Variants in NR2C1 observed in about 807,000 individuals in gnomAD.
The protein encoded by NR2C1 is nuclear receptor subfamily 2 group C member 1.
A neutral mutation model predicts 74.8 loss-of-function variants in NR2C1; 33 were observed. The ratio of observed to expected loss-of-function variants is 0.44; its 90% CI spans 0.33 to 0.59. The LOEUF (loss-of-function observed/expected upper bound fraction) is 0.59. Ranked by LOEUF, NR2C1 falls within the 20% of genes least tolerant of loss-of-function variation. NR2C1 has a pLI of 0.02. For synonymous variants in NR2C1, 225 were observed against 240.6 expected, an observed-to-expected ratio of 0.94 and a Z score of 0.60; for missense variants, 568 against 715.6, an observed-to-expected ratio of 0.79 and a Z score of 2.35.
At chr12:95,064,045 A>C (rs1380443674) in intron 2 of NR2C1, among the ~76,000 whole-genome samples, 1 of 141,570 alleles carries the variant, frequency 7.1e-6, no homozygotes, top group Non-Finnish European at 1.5e-5. Context: ...AAAAAAAAAA[A>C]GGGGATGGAC....
At chr12:95,071,979 T>G (rs546445206) in intron 1 of NR2C1, among the ~76,000 whole-genome samples, 6 of 151,516 alleles carry the variant, frequency 4.0e-5, no homozygotes, top group African/African-American at 1.2e-4. Flanking sequence ...AACTCCCGAC[T>G]TCAGATGATC....
chr12:95,053,146 T>A (rs1297559515), intron 7 of NR2C1, among the ~76,000 whole-genome samples: 1 of 151,994 alleles, frequency 6.6e-6, no homozygotes, highest in African/African-American at 2.4e-5. Context: ...GCTAATTTTT[T>A]AATTTTTTGT....
rs186011588 is a variant in NR2C1, at chr12:95,059,287, G to A, written c.364+619C>T. On this transcript the variant is annotated intron_variant, in intron 4 of 13. Transcript: ENST00000333003. ...ACTGCACTACAGTCAGGGTGACAGC[G>A]CAAGACTCCATCTCAAAAAAAAAAA... Among the ~76,000 whole-genome samples the A allele has an allele frequency of 6.2e-5, 9 of 146,210 alleles. No homozygotes were observed. In the South Asian group the frequency reaches 6.5e-4, roughly 11 times the overall value.
Position 95,059,964 on chromosome 12 carries a change from T to C in NR2C1, c.306A>G (p.Pro102=), listed in dbSNP as rs746050842. 1.3e-6 allele frequency: 2 copies of C among 1,547,316 alleles called. No individual in the cohort carries two copies. The highest frequency in any genetic ancestry group is 1.7e-6 in the Non-Finnish European group (2 of 1,143,654). ...CAAAAACCTTATTTGGTCCTTGGTC[T>C]GGAGAATTATCTGTTAGGAGCTAAA... is the stretch of plus-strand genomic sequence containing the variant. The part of the protein sequence containing the change: ...QHLQLLTDNS[P]DQGPNKVFDL... The change falls in exon 4 of 14, where the codon CCA becomes CCG. Residue 102 remains proline, a synonymous_variant. Transcript: ENST00000333003.
In NR2C1 at chr12:95,057,646, G is replaced by GT. The variant is rs757504325; in HGVS notation, c.693-4dup. On this transcript the variant is annotated splice_region_variant and splice_polypyrimidine_tract_variant and intron_variant, in intron 6 of 13. Transcript: ENST00000333003. ...CTGAATCTAACAGTCCTGTTGACCT[G>GT]TAACAAATCAGCACAAATTTTGGCC... The GT allele has an allele frequency of 3.1e-6, 5 of 1,613,128 alleles. No homozygotes were observed. The highest frequency in any genetic ancestry group is 3.4e-6 in the Non-Finnish European group (4 of 1,179,730).
chr12:95,041,739 G>A (rs1232249136), intron 9 of NR2C1, among the ~76,000 whole-genome samples: 3 of 152,036 alleles, frequency 2.0e-5, no homozygotes, highest in Non-Finnish European at 4.4e-5. Context: ...AGAAGAATTA[G>A]TCTACCATCT....
intron 8 of NR2C1, among the ~76,000 whole-genome samples, chr12:95,050,805 T>C (rs1036380816): frequency 1.3e-5 from 2 of 152,066 alleles, no homozygotes; most frequent in African/African-American, 2.4e-5. Context: ...ATCCTAAGCA[T>C]TAATATTTAC....
At chr12:95,056,265 G>A (rs1175948350) in intron 7 of NR2C1, among the ~76,000 whole-genome samples, 2 of 152,178 alleles carry the variant, frequency 1.3e-5, no homozygotes, top group East Asian at 3.9e-4. Flanking sequence ...AGGGGACCCT[G>A]TTTAAAAAAC....
chr12:95,031,486 T>C lies in NR2C1; in HGVS notation c.1256A>G (p.Gln419Arg). 6.3e-7 allele frequency: 1 copy of C among 1,586,876 alleles called. No individual in the cohort carries two copies. Among genetic ancestry groups the C allele is most frequent in the Non-Finnish European group, 8.5e-7 (1 of 1,170,440 alleles). Residue 419 changes from glutamine to arginine, a missense_variant and splice_region_variant, in exon 11 of 14, where the codon CAA (glutamine) becomes CGA (arginine). Physicochemically the swap from Gln to Arg is conservative, Grantham distance 43. This residue lies in a region of NR2C1 where 39 missense variants were observed against 64.6 expected (regional missense o/e 0.60). Transcript: ENST00000333003. Reference sequence around the variant, plus strand: ...TTTCACCAGTGATATGCTGTTTTCTTGCCTATTAAAAACAGTAATAAAAGC... The same window carrying C: ...TTTCACCAGTGATATGCTGTTTTCTCGCCTATTAAAAACAGTAATAAAAGC... ...LSIPSFQALG[Q>R]ENSISLVKAY... is the part of the protein sequence containing the mutation.
At chr12:95,036,946 G>T (rs1870925630) in intron 10 of NR2C1, among the ~76,000 whole-genome samples, 3 of 152,308 alleles carry the variant, frequency 2.0e-5, no homozygotes, top group Admixed American at 2.0e-4. Context: ...TCAGGGAAAA[G>T]TATCAGTGAT....
At chr12:95,030,239 G>C (rs146463757) in intron 11 of NR2C1, among the ~76,000 whole-genome samples, 1 of 152,098 alleles carries the variant, frequency 6.6e-6, no homozygotes, top group Non-Finnish European at 1.5e-5. Flanking sequence ...TGAAACACTA[G>C]ACAACTAAAA....
intron 9 of NR2C1, 152 bp from the exon 10 acceptor site, chr12:95,040,749 T>A: frequency 1.0e-5 from 7 of 677,696 alleles, no homozygotes; most frequent in Non-Finnish European, 1.6e-5. Flanking sequence ...CACTAGAATT[T>A]ACAGCTAACA....
chr12:95,031,135 G>A (rs1870046956), intron 11 of NR2C1, among the ~76,000 whole-genome samples: 1 of 152,188 alleles, frequency 6.6e-6, no homozygotes, highest in Admixed American at 6.5e-5. Context: ...CCAGACTTAA[G>A]TATACTGTTT....
In NR2C1 at chr12:95,062,621, T is replaced by C; in HGVS notation, c.172A>G (p.Ile58Val). The C allele has an allele frequency of 6.2e-7, 1 of 1,614,190 alleles. No individual in the cohort carries two copies. Among genetic ancestry groups the C allele is most frequent in the Non-Finnish European group, 8.5e-7 (1 of 1,180,028 alleles). Reference protein sequence around the residue: ...NHDGSTPSKVILARQDSTPGK... With the variant: ...NHDGSTPSKVVLARQDSTPGK... ...GGAGTGGAATCTTGCCTGGCCAGAA[T>C]GACTTTGCTTGGAGTAGAGCCGTCG... The change falls in exon 3 of 14, where the codon ATT becomes GTT. Residue 58 changes from isoleucine (I) to valine (V), a missense_variant. By Grantham distance (29) the Ile-to-Val change is conservative. Around this residue, in one of 6 missense-constraint regions of NR2C1, gnomAD observed 128 missense variants for 118.9 expected, o/e 1.08. Transcript: ENST00000333003.
chr12:95,062,661 G>A lies in NR2C1; in HGVS notation c.132C>T (p.Phe44=). ...ALDHNTQGKQ[F]ILTNHDGSTP... ...TAGAGCCGTCGTGATTTGTCAGAATGAACTGCTTGCCTTGGGTATTATGAT... is the reference window on the plus strand; with the variant it reads ...TAGAGCCGTCGTGATTTGTCAGAATAAACTGCTTGCCTTGGGTATTATGAT... Residue 44 remains phenylalanine (F), a synonymous_variant, in exon 3 of 14, where the codon TTC becomes TTT. Transcript: ENST00000333003. The A allele has an allele frequency of 6.2e-7, 1 of 1,614,128 alleles. No homozygotes were observed. Among genetic ancestry groups the A allele is most frequent in the Non-Finnish European group, 8.5e-7 (1 of 1,180,014 alleles).
intron 12 of NR2C1, 80 bp downstream of exon 12, chr12:95,028,307 C>A: frequency 8.5e-7 from 1 of 1,180,450 alleles, no homozygotes; most frequent in Non-Finnish European, 1.2e-6. Context: ...TTTTACATCC[C>A]CACTTGCAAC....
intron 12 of NR2C1, among the ~76,000 whole-genome samples, chr12:95,027,207 A>T (rs1869469392): frequency 1.3e-5 from 2 of 152,172 alleles, no homozygotes; most frequent in Non-Finnish European, 2.9e-5. Context: ...GGTGCACACC[A>T]GCACATCCAG....
chr12:95,025,142 C>T lies in NR2C1; in HGVS notation c.1637+8G>A. On this transcript the variant is annotated splice_region_variant and intron_variant, in intron 13 of 13. Transcript: ENST00000333003. The stretch of plus-strand genomic sequence containing the variant: ...TATTTTAATTATATAGAATTTAACT[C>T]TAGATACCTGTAGGTGTCATCTGGA... The T allele has an allele frequency of 7.7e-7, 1 of 1,290,866 alleles. No homozygotes were observed. The highest frequency in any genetic ancestry group is 1.1e-6 in the Non-Finnish European group (1 of 908,458). The allele number at this position is 1,290,866 out of a possible 1,614,324, so 80.0% of individuals were successfully genotyped here. A position where few individuals can be genotyped will look rare whatever the true frequency, so the allele number is the denominator to read the frequency against.
chr12:95,030,547 G>T, intron 11 of NR2C1: 1 of 1,611,658 alleles, frequency 6.2e-7, no homozygotes, highest in South Asian at 1.1e-5. Context: ...ACCAGGGGTA[G>T]GAGTCCATAA....
Sources: gnomAD v4.1 joint callset for allele counts (sites outside exome capture counted in the v4.1 genomes callset) on GRCh38, gnomAD v4.1.1 for gene constraint, gnomAD v4.1.1 regional missense constraint, MANE v1.5 for transcripts, NCBI Gene and HGNC (gene_info 2026-07-23, HGNC 2026-07-21) for gene names.